Variants in AP1AR observed in about 807,000 individuals in gnomAD.
The protein encoded by AP1AR is adaptor related protein complex 1 associated regulatory protein.
A neutral mutation model predicts 46.3 loss-of-function variants in AP1AR; 29 were observed. The observed-to-expected ratio is 0.63, with a 90% CI of 0.47 to 0.85. The LOEUF is 0.85. Among genes scored for constraint, AP1AR ranks in the 40% least tolerant of loss-of-function variants. The probability of loss-of-function intolerance (pLI) is 0.00; values close to 1 mark genes in which losing one functional copy is unlikely to be tolerated. For synonymous variants in AP1AR, 122 were observed against 122.9 expected (o/e 0.99, Z 0.05); for missense variants, 357 against 356.3 (o/e 1.00, Z -0.02).
intron 3 of AP1AR, among the ~76,000 whole-genome samples, chr4:112,256,917 T>A (rs998592381): frequency 1.3e-5 from 2 of 152,210 alleles, no homozygotes; most frequent in African/African-American, 4.8e-5. Context: ...CACAATATGT[T>A]CATCAACCAA....
At chr4:112,259,794 A>G (rs1370641715) in intron 4 of AP1AR, among the ~76,000 whole-genome samples, 1 of 152,146 alleles carries the variant, frequency 6.6e-6, no homozygotes, top group Non-Finnish European at 1.5e-5. Context: ...TCAAGAGTGT[A>G]AATGTAGTAG....
intron 1 of AP1AR, 59 bp from the exon 2 acceptor site, chr4:112,253,149 T>C: frequency 1.5e-6 from 2 of 1,293,316 alleles, no homozygotes; most frequent in Non-Finnish European, 2.2e-6. Context: ...TTATGCTATA[T>C]ATTAATTCAA....
intron 1 of AP1AR, among the ~76,000 whole-genome samples, chr4:112,235,143 G>A (rs972950601): frequency 6.6e-6 from 1 of 152,098 alleles, no homozygotes; most frequent in African/African-American, 2.4e-5. Context: ...TAAAACTTAG[G>A]CATCCTAATG....
At chr4:112,245,997 A>G (rs1207157696) in intron 1 of AP1AR, among the ~76,000 whole-genome samples, 9 of 152,134 alleles carry the variant, frequency 5.9e-5, no homozygotes, top group African/African-American at 1.7e-4. Context: ...ATGTACGTTA[A>G]TAGTTGGCAC....
In AP1AR at chr4:112,273,051, A is replaced by AT. The variant is rs1727020087; in HGVS notation, c.*4644dup. 1 of 152,168 alleles carries AT rather than the reference A, an allele frequency of 6.6e-6. No individual in the cohort carries two copies. The highest frequency in any genetic ancestry group is 2.4e-5 in the African/African-American group (1 of 41,432). The allele number at this position is 152,168 out of a possible 1,614,324, so 9.4% of individuals were successfully genotyped here. On this transcript the variant is annotated 3_prime_UTR_variant, in exon 10 of 10. Coordinates refer to ENST00000274000, the MANE Select transcript of AP1AR (RefSeq NM_018569.6). ...TCACAAAAGAAATCTGAGATTCCAC[A>AT]TTGAAATCCTAAATGTAAAACAACA...
intron 3 of AP1AR, among the ~76,000 whole-genome samples, chr4:112,255,579 A>G (rs942086997): frequency 2.0e-5 from 3 of 152,156 alleles, no homozygotes; most frequent in African/African-American, 7.2e-5. Flanking sequence ...GAGTAGGCCT[A>G]TTCTTTATAG....
chr4:112,265,064 A>G lies in AP1AR; in HGVS notation c.437A>G (p.Gln146Arg). ...CATCCTTCCAACAATGGAGAATATC[A>G]AAGGTAAATAGTGAAACATATGCCT... is the stretch of plus-strand genomic sequence containing the variant. Reference protein sequence around the residue: ...QYHPSNNGEYQSSGPEDDFES... With the variant: ...QYHPSNNGEYRSSGPEDDFES... The change falls in exon 7 of 10, where the codon CAA (glutamine) becomes CGA (arginine). Residue 146 changes from glutamine to arginine, a missense_variant. Coordinates refer to ENST00000274000, the MANE Select transcript of AP1AR (RefSeq NM_018569.6). 1 of 1,601,692 alleles carries G rather than the reference A, an allele frequency of 6.2e-7. No homozygotes were observed. Among genetic ancestry groups the G allele is most frequent in the Non-Finnish European group, 8.5e-7 (1 of 1,175,452 alleles).
intron 1 of AP1AR, among the ~76,000 whole-genome samples, chr4:112,245,327 C>T (rs1454498812): frequency 6.6e-6 from 1 of 152,032 alleles, no homozygotes; most frequent in Non-Finnish European, 1.5e-5. Context: ...TTCCAGGCTA[C>T]ACATATTATC....
chr4:112,253,256 G>C lies in AP1AR; in HGVS notation c.132G>C (p.Glu44Asp). ...TCSRGEHLTI[E>D]FENLVESDEG... ...CAAGAGGTGAGCACTTAACAATAGA[G>C]GTAAGTAGTCCTTAATTTGATTGAA... The change falls in exon 2 of 10, where the codon GAG becomes GAC. Residue 44 changes from glutamate to aspartate, a missense_variant and splice_region_variant. Transcript: ENST00000274000. 1 of 1,608,458 alleles carries C rather than the reference G, an allele frequency of 6.2e-7. No homozygotes were observed. The highest frequency in any genetic ancestry group is 8.5e-7 in the Non-Finnish European group (1 of 1,177,054).
At chr4:112,236,984 A>G (rs1054344868) in intron 1 of AP1AR, among the ~76,000 whole-genome samples, 2 of 152,244 alleles carry the variant, frequency 1.3e-5, no homozygotes, top group African/African-American at 2.4e-5. Flanking sequence ...TAAACTTTGG[A>G]CAAAGCAATG....
At chr4:112,263,480 C>A (rs1366845313) in intron 6 of AP1AR, among the ~76,000 whole-genome samples, 3 of 148,282 alleles carry the variant, frequency 2.0e-5, no homozygotes, top group Non-Finnish European at 4.5e-5. Flanking sequence ...TTTTTTTTAA[C>A]AGTTTTTTAA....
In AP1AR at chr4:112,272,408, A is replaced by T. The variant is rs559191836; in HGVS notation, c.*3999A>T. Among the ~76,000 whole-genome samples the T allele has an allele frequency of 1.3e-5, 2 of 152,248 alleles. No homozygotes were observed. The highest frequency in any genetic ancestry group is 2.9e-5 in the Non-Finnish European group (2 of 68,012). The stretch of plus-strand genomic sequence containing the variant: ...GACCAGACATGCGCAGTAAGGGGCA[A>T]AATGACAGAGTTTGACAAATATATG... On this transcript the variant is annotated 3_prime_UTR_variant, in exon 10 of 10. Coordinates refer to ENST00000274000, the MANE Select transcript of AP1AR (RefSeq NM_018569.6).
At chr4:112,234,155 G>A (rs932704034) in intron 1 of AP1AR, among the ~76,000 whole-genome samples, 1 of 152,180 alleles carries the variant, frequency 6.6e-6, no homozygotes, top group Admixed American at 6.5e-5. Flanking sequence ...CACCGCGCCC[G>A]GCCAGCAGGT....
rs911451718 is a variant in AP1AR at position 112,232,165 on chromosome 4, G to A, written c.74G>A (p.Gly25Asp). Residue 25 changes from glycine (G) to aspartate (D), a missense_variant, in exon 1 of 10, where the codon GGC becomes GAC. Gly to Asp is a moderately conservative substitution (Grantham distance 94, BLOSUM62 -1). Around this residue, in one of 2 missense-constraint regions of AP1AR, gnomAD observed 269 missense variants for 223.6 expected, o/e 1.20. Coordinates refer to ENST00000274000, the MANE Select transcript of AP1AR (RefSeq NM_018569.6). Reference protein sequence around the residue: ...KEAGRLQRVGGGGGSKYFRTC... With the variant: ...KEAGRLQRVGDGGGSKYFRTC... ...GCGGGGCGGCTGCAGCGAGTAGGCG[G>A]CGGCGGAGGGTAAGCCCGCTGGGGG... 1.2e-5 allele frequency: 16 copies of A among 1,285,738 alleles called. No homozygotes were observed. The highest frequency in any genetic ancestry group is 2.7e-4 in the Middle Eastern group (1 of 3,754). The allele number at this position is 1,285,738 out of a possible 1,614,324, so 79.6% of individuals were successfully genotyped here. A position where few individuals can be genotyped will look rare whatever the true frequency, so the allele number is the denominator to read the frequency against.
rs1202419837 is a variant in AP1AR, at chr4:112,268,600, T to A, written c.*191T>A. 1 of 459,258 alleles carries A rather than the reference T, an allele frequency of 2.2e-6. No homozygotes were observed. Among genetic ancestry groups the A allele is most frequent in the Non-Finnish European group, 3.6e-6 (1 of 277,312 alleles). 28.4% of individuals were successfully genotyped at this position (459,258 alleles called of 1,614,324 possible). A position where few individuals can be genotyped will look rare whatever the true frequency, so the allele number is the denominator to read the frequency against. On this transcript the variant is annotated 3_prime_UTR_variant, in exon 10 of 10. Transcript: ENST00000274000. ...TACAGAATTAAGTGCAATTTCATCATCTGCCTTCTGCTTTTCAAGACCAAT... is the reference window on the plus strand; with the variant it reads ...TACAGAATTAAGTGCAATTTCATCAACTGCCTTCTGCTTTTCAAGACCAAT...
intron 1 of AP1AR, among the ~76,000 whole-genome samples, chr4:112,242,895 C>G (rs1302541832): frequency 2.6e-5 from 4 of 152,194 alleles, no homozygotes; most frequent in African/African-American, 7.2e-5. Flanking sequence ...ATAAGAATTA[C>G]ATGTAAATGA....
chr4:112,242,954 T>G (rs1319597967), intron 1 of AP1AR, among the ~76,000 whole-genome samples: 1 of 152,216 alleles, frequency 6.6e-6, no homozygotes, highest in African/African-American at 2.4e-5. Flanking sequence ...GAGGAAAAAG[T>G]ACACTTCTAT....
At chr4:112,246,729 T>A (rs1578407935) in intron 1 of AP1AR, among the ~76,000 whole-genome samples, 7 of 152,178 alleles carry the variant, frequency 4.6e-5, no homozygotes, top group Admixed American at 2.0e-4. Context: ...AGGTGCTTAG[T>A]GATTGTAGAT....
intron 1 of AP1AR, among the ~76,000 whole-genome samples, chr4:112,239,780 C>T (rs1725401959): frequency 6.6e-6 from 1 of 152,208 alleles, no homozygotes; most frequent in Non-Finnish European, 1.5e-5. Context: ...TTTGTAGACT[C>T]CGAGCATTTG....
Sources: gnomAD v4.1 joint callset for allele counts (sites outside exome capture counted in the v4.1 genomes callset) on GRCh38, gnomAD v4.1.1 for gene constraint, gnomAD v4.1.1 regional missense constraint, MANE v1.5 for transcripts, NCBI Gene and HGNC (gene_info 2026-07-23, HGNC 2026-07-21) for gene names.